Variants in RBFOX1 observed in about 807,000 individuals in gnomAD.
RBFOX1 encodes RNA binding protein fox-1 homolog 1.
A neutral mutation model predicts 57.7 loss-of-function variants in RBFOX1; 8 were observed. That is an observed-to-expected ratio of 0.14 (90% CI 0.08 to 0.25). The LOEUF is 0.25. Ranked by LOEUF, RBFOX1 falls within the 10% of genes least tolerant of loss-of-function variation. The pLI, the probability that RBFOX1 is intolerant of heterozygous loss-of-function variation, is 1.00. For synonymous variants in RBFOX1, 326 were observed against 222.4 expected, an observed-to-expected ratio of 1.47 and a Z score of -4.15; for missense variants, 611 against 548.5, an observed-to-expected ratio of 1.11 and a Z score of -1.14.
intron 4 of RBFOX1, among the ~76,000 whole-genome samples, chr16:7,490,710 G>T (rs917040759): frequency 1.3e-5 from 2 of 152,102 alleles, no homozygotes; most frequent in Admixed American, 1.3e-4. Flanking sequence ...GGTTGAGGTG[G>T]GGGTGTTGAT....
intron 2 of RBFOX1, among the ~76,000 whole-genome samples, chr16:6,431,860 A>G (rs2094096675): frequency 6.8e-6 from 1 of 147,538 alleles, no homozygotes; most frequent in African/African-American, 2.4e-5. Flanking sequence ...TAAGGAGTTT[A>G]TTTATGAACA....
At chr16:7,150,848 A>G (rs1362100635) in intron 4 of RBFOX1, among the ~76,000 whole-genome samples, 1 of 152,200 alleles carries the variant, frequency 6.6e-6, no homozygotes, top group African/African-American at 2.4e-5. Flanking sequence ...AAAGTTAGTT[A>G]ATGATGTGCC....
chr16:6,002,809 C>T (rs146623461), intron 4 of RBFOX1, among the ~76,000 whole-genome samples: 16 of 152,286 alleles, frequency 1.1e-4, no homozygotes, highest in South Asian at 2.1e-4. Context: ...TGAGTTAGAG[C>T]AAATAAAGTG....
intron 7 of RBFOX1, among the ~76,000 whole-genome samples, chr16:7,588,007 C>T (rs1049427764): frequency 6.6e-6 from 1 of 152,042 alleles, no homozygotes; most frequent in South Asian, 2.1e-4. Flanking sequence ...GGTGGAACCT[C>T]GTCTTTACTA....
intron 4 of RBFOX1, among the ~76,000 whole-genome samples, chr16:7,309,325 C>T (rs889309239): frequency 6.6e-6 from 1 of 152,206 alleles, no homozygotes; most frequent in East Asian, 1.9e-4. Flanking sequence ...TGGAGGGCCG[C>T]GTGTTGTGGA....
chr16:7,271,321 G>T (rs2095313129), intron 4 of RBFOX1, among the ~76,000 whole-genome samples: 1 of 151,536 alleles, frequency 6.6e-6, no homozygotes, highest in Non-Finnish European at 1.5e-5. Flanking sequence ...ACGGGCCTGG[G>T]TTGCAACAAC....
intron 1 of RBFOX1, among the ~76,000 whole-genome samples, chr16:6,058,386 C>T (rs551671825): frequency 1.2e-4 from 18 of 151,786 alleles, no homozygotes; most frequent in Non-Finnish European, 2.5e-4. Flanking sequence ...AAAGATCCAA[C>T]CTTTGCTAAC....
chr16:5,898,357 C>T (rs1475089639), intron 4 of RBFOX1, among the ~76,000 whole-genome samples: 1 of 152,112 alleles, frequency 6.6e-6, no homozygotes, highest in Non-Finnish European at 1.5e-5. Context: ...GATCTTAACT[C>T]TTCTACCTGA....
At chr16:5,528,565 T>TTTTTTTTTTTTTTTTC (rs1555457752) in intron 2 of RBFOX1, among the ~76,000 whole-genome samples, 1 of 135,308 alleles carries the variant, frequency 7.4e-6, no homozygotes, top group Middle Eastern at 4.0e-3. Context: ...TTTTTTTTTT[T>TTTTTTTTTTTTTTTTC]CTGGCTTCTT....
intron 1 of RBFOX1, among the ~76,000 whole-genome samples, chr16:6,178,488 C>T (rs182483759): frequency 6.6e-6 from 1 of 151,998 alleles, no homozygotes; most frequent in African/African-American, 2.4e-5. Flanking sequence ...CTGTTTCTGC[C>T]CATATCTGTA....
At chr16:5,562,195 C>G (rs2045912425) in intron 2 of RBFOX1, among the ~76,000 whole-genome samples, 1 of 152,144 alleles carries the variant, frequency 6.6e-6, no homozygotes, top group Non-Finnish European at 1.5e-5. Context: ...TTTATTTCTG[C>G]TCCATCCAAG....
intron 1 of RBFOX1, among the ~76,000 whole-genome samples, chr16:6,138,802 G>A (rs946066567): frequency 6.6e-6 from 1 of 152,196 alleles, no homozygotes; most frequent in Non-Finnish European, 1.5e-5. Flanking sequence ...AGGACACAGA[G>A]GTTGCAGTGA....
chr16:7,684,942 G>A (rs182736787), intron 14 of RBFOX1, among the ~76,000 whole-genome samples: 4 of 152,030 alleles, frequency 2.6e-5, no homozygotes, highest in Non-Finnish European at 4.4e-5. Context: ...ACAAATGGGG[G>A]AAAAGGAGGA....
intron 4 of RBFOX1, among the ~76,000 whole-genome samples, chr16:7,480,903 C>T (rs1490759996): frequency 2.6e-5 from 4 of 152,018 alleles, no homozygotes; most frequent in Non-Finnish European, 2.9e-5. Flanking sequence ...TGCGAGGGAC[C>T]TGGGAGGGAG....
intron 4 of RBFOX1, among the ~76,000 whole-genome samples, chr16:7,457,678 C>T (rs572794430): frequency 2.5e-4 from 38 of 152,230 alleles, no homozygotes; most frequent in African/African-American, 8.7e-4. Flanking sequence ...GGATTTGCCT[C>T]TGTTGCCCTC....
chr16:5,764,573 G>T lies in RBFOX1; in HGVS notation c.319-102730G>T, dbSNP rs986098094. Among the ~76,000 whole-genome samples the T allele has an allele frequency of 2.0e-5, 3 of 152,232 alleles. No homozygotes were observed. The South Asian group carries it at 6.2e-4, about 32-fold the overall frequency. On this transcript the variant is annotated intron_variant, in intron 3 of 19. Transcript: ENST00000641259. ...TCTAAGATGCTAGAGAAAAGAGAGC[G>T]CAATGGATAGGGGAGGGAGAAGGGC...
intron 4 of RBFOX1, among the ~76,000 whole-genome samples, chr16:7,379,013 A>G (rs936934255): frequency 1.3e-5 from 2 of 152,320 alleles, no homozygotes; most frequent in Admixed American, 1.3e-4. Flanking sequence ...CTACTCTCTA[A>G]ATGCAGTTAC....
intron 3 of RBFOX1, among the ~76,000 whole-genome samples, chr16:6,877,244 C>G (rs182004994): frequency 6.6e-6 from 1 of 152,294 alleles, no homozygotes; most frequent in South Asian, 2.1e-4. Flanking sequence ...ATAAATCCCA[C>G]ATGTTGACAT....
At chr16:6,979,819 C>G (rs76125493) in intron 3 of RBFOX1, among the ~76,000 whole-genome samples, 10,712 of 152,194 alleles carry the variant, frequency 0.07, 435 homozygotes, top group South Asian at 0.17. Context: ...TACAGAAATG[C>G]CAGATGCACT....
Sources: gnomAD v4.1 joint callset for allele counts (sites outside exome capture counted in the v4.1 genomes callset) on GRCh38, gnomAD v4.1.1 for gene constraint, MANE v1.5 for transcripts, NCBI Gene and HGNC (gene_info 2026-07-23, HGNC 2026-07-21) for gene names.